PLEKHA2: variants seen among roughly 807,000 people sequenced by gnomAD.
PLEKHA2 encodes the protein pleckstrin homology domain-containing family A member 2.
PLEKHA2 carries 28 observed loss-of-function variants against 53.2 expected under a neutral mutation model. That is an observed-to-expected ratio of 0.53 (90% CI 0.39 to 0.72). The LOEUF (loss-of-function observed/expected upper bound fraction) is 0.72, where lower values mean the gene tolerates loss of function less well. PLEKHA2 is among the 30% of genes least tolerant of loss of function. The probability of loss-of-function intolerance (pLI) is 0.00; values close to 1 mark genes in which losing one functional copy is unlikely to be tolerated. For missense variants in PLEKHA2, 426 were observed against 537.9 expected (o/e 0.79, Z 2.06); for synonymous variants, 193 against 196.4 (o/e 0.98, Z 0.14).
At chr8:38,927,786 C>T (rs549318123) in intron 2 of PLEKHA2, among the ~76,000 whole-genome samples, 9 of 152,184 alleles carry the variant, frequency 5.9e-5, no homozygotes, top group Admixed American at 5.2e-4. Flanking sequence ...TGTGAGAATG[C>T]TTTGATGAGC....
intron 2 of PLEKHA2, among the ~76,000 whole-genome samples, chr8:38,924,969 G>T (rs1201588084): frequency 6.6e-6 from 1 of 152,114 alleles, no homozygotes. Flanking sequence ...ACACTGATTT[G>T]GCTAATGCAT....
chr8:38,952,484 G>A (rs1250986740), intron 7 of PLEKHA2, among the ~76,000 whole-genome samples, 152 bp from the exon 8 acceptor site: 2 of 152,196 alleles, frequency 1.3e-5, no homozygotes, highest in Non-Finnish European at 2.9e-5. Flanking sequence ...CCTGTCAGAG[G>A]TGTTGCCCCT....
At chr8:38,932,007 TAG>T (rs1834402503) in intron 2 of PLEKHA2, among the ~76,000 whole-genome samples, 1 of 152,152 alleles carries the variant, frequency 6.6e-6, no homozygotes, top group Admixed American at 6.5e-5. Flanking sequence ...TTTTAATAAA[TAG>T]AGTCAGGGCC....
rs1317761881 is a variant in PLEKHA2, at chr8:38,956,965, T to A, written c.774-358T>A. Among the ~76,000 whole-genome samples, 3 of 152,088 alleles carry A rather than the reference T, an allele frequency of 2.0e-5. No homozygotes were observed. The East Asian group carries it at 5.8e-4, about 29-fold the overall frequency. ...ACGGTGCTTCCCACAAAGCACTTCA[T>A]ACACCTTAGAGGGAAGGAGGGAGGC... is the stretch of plus-strand genomic sequence containing the variant. On this transcript the variant is annotated intron_variant, in intron 9 of 11. Transcript: ENST00000617275.
chr8:38,967,631 CTT>C (rs776095403), intron 10 of PLEKHA2, among the ~76,000 whole-genome samples: 1 of 149,136 alleles, frequency 6.7e-6, no homozygotes. Context: ...ACTTGTATGT[CTT>C]GTTTTGAAAA....
intron 2 of PLEKHA2, among the ~76,000 whole-genome samples, chr8:38,920,304 C>G (rs1189488276): frequency 3.9e-5 from 6 of 152,150 alleles, no homozygotes; most frequent in African/African-American, 7.2e-5. Context: ...GCACCCGCCA[C>G]CACGCCCAGC....
chr8:38,917,995 C>T lies in PLEKHA2; in HGVS notation c.66C>T (p.Ser22=), dbSNP rs61755185. 845 of 1,613,598 alleles carry T rather than the reference C, an allele frequency of 5.2e-4. 2 individuals are homozygous for T. Among genetic ancestry groups the T allele is most frequent in the Admixed American group, 1.4e-3 (82 of 59,984 alleles). ...GFLDIEEHEN[S]GKFLRRYFIL... ...TGGACATCGAGGAGCATGAGAACAG[C>T]GGCAAGTTTCTGCGGAGGTACTTCA... The change falls in exon 2 of 12, where the codon AGC becomes AGT. Residue 22 remains serine (S), a synonymous_variant. Transcript: ENST00000617275.
At chr8:38,929,895 T>C (rs1240371331) in intron 2 of PLEKHA2, among the ~76,000 whole-genome samples, 2 of 152,196 alleles carry the variant, frequency 1.3e-5, no homozygotes, top group African/African-American at 4.8e-5. Context: ...TTGGGTCTTC[T>C]GGTCATTTCT....
At chr8:38,942,842 G>A (rs79248907) in intron 3 of PLEKHA2, among the ~76,000 whole-genome samples, 1 of 152,330 alleles carries the variant, frequency 6.6e-6, no homozygotes, top group East Asian at 1.9e-4. Context: ...GCAACAGGAG[G>A]TATAGAAATA....
intron 2 of PLEKHA2, among the ~76,000 whole-genome samples, chr8:38,932,145 T>C (rs4595091): frequency 0.9 from 137,301 of 152,120 alleles, 62,627 homozygotes; most frequent in African/African-American, 0.97. Flanking sequence ...TGTGCACCAC[T>C]ACACCCAGCT....
rs1466094366 is a variant in PLEKHA2, at chr8:38,950,654, A to G, written c.346-196A>G. 9.7e-6 allele frequency: 5 copies of G among 513,696 alleles called. No individual in the cohort carries two copies. The Admixed American group carries it at 1.8e-4, about 19-fold the overall frequency. The allele number at this position is 513,696 out of a possible 1,614,324, so 31.8% of individuals were successfully genotyped here. ...CAAGAAATTCCTGGAGTCAGTTTGT[A>G]TCTGTGTAGGGGGAGGGCGTTGCTG... On this transcript the variant is annotated intron_variant, in intron 5 of 11. Transcript: ENST00000617275.
At chr8:38,916,242 G>C (rs939970626) in intron 1 of PLEKHA2, among the ~76,000 whole-genome samples, 1 of 152,188 alleles carries the variant, frequency 6.6e-6, no homozygotes, top group Admixed American at 6.5e-5. Flanking sequence ...CTCCCAAAGT[G>C]CTGGGATTAC....
In PLEKHA2 at chr8:38,924,497, G is replaced by T. The variant is rs147039244; in HGVS notation, c.141+6427G>T. Among the ~76,000 whole-genome samples the T allele has an allele frequency of 2.2e-4, 33 of 152,306 alleles. No homozygotes were observed. In the East Asian group the frequency reaches 5.0e-3, roughly 23 times the overall value. The stretch of plus-strand genomic sequence containing the variant: ...GAACTCAGGTGGAGGTCTGAGCAAG[G>T]GATGGTTTCACTGTGGGCCTGCAGG... On this transcript the variant is annotated intron_variant, in intron 2 of 11. Coordinates refer to ENST00000617275, the MANE Select transcript of PLEKHA2 (RefSeq NM_021623.2).
Position 38,901,448 on chromosome 8 carries a change from A to T in PLEKHA2, c.-24+3A>T, listed in dbSNP as rs1328418676. 6 of 147,374 alleles carry T rather than the reference A, an allele frequency of 4.1e-5. No homozygotes were observed. Among genetic ancestry groups the T allele is most frequent in the Non-Finnish European group, 7.5e-5 (5 of 66,488 alleles). 9.1% of individuals were successfully genotyped at this position (147,374 alleles called of 1,614,324 possible). ...AGCCCCGGCCCCTGCACGGGGGGGT[A>T]AGTTGGGCGCCCTCGCGGGCTCGGG... On this transcript the variant is annotated splice_donor_region_variant and intron_variant, in intron 1 of 11. Transcript: ENST00000617275.
At chr8:38,967,296 T>G (rs1199967368) in intron 10 of PLEKHA2, among the ~76,000 whole-genome samples, 1 of 152,136 alleles carries the variant, frequency 6.6e-6, no homozygotes, top group Non-Finnish European at 1.5e-5. Flanking sequence ...TTTAAAAAAT[T>G]TTTAAAGTTT....
chr8:38,969,274 T>G (rs9987126), intron 11 of PLEKHA2, 147 bp from the exon 12 acceptor site: 621,158 of 948,932 alleles, frequency 0.65, 204,950 homozygotes, highest in African/African-American at 0.8. Flanking sequence ...AGTGAATCCT[T>G]TTGACTGTAT....
Position 38,952,326 on chromosome 8 carries a change from C to T in PLEKHA2, c.633+14C>T. On this transcript the variant is annotated intron_variant, in intron 7 of 11. Coordinates refer to ENST00000617275, the MANE Select transcript of PLEKHA2 (RefSeq NM_021623.2). Reference sequence around the variant, plus strand: ...CAAGGGAATGTGGTGAGTGTCAGCACAGGGGCTGAATTGGGGTTCTGGTGA... The same window carrying T: ...CAAGGGAATGTGGTGAGTGTCAGCATAGGGGCTGAATTGGGGTTCTGGTGA... 1 of 1,610,594 alleles carries T rather than the reference C, an allele frequency of 6.2e-7. No homozygotes were observed. Among genetic ancestry groups the T allele is most frequent in the Non-Finnish European group, 8.5e-7 (1 of 1,178,408 alleles).
chr8:38,963,311 C>G (rs1333621558), intron 10 of PLEKHA2, among the ~76,000 whole-genome samples: 1 of 152,180 alleles, frequency 6.6e-6, no homozygotes, highest in East Asian at 1.9e-4. Context: ...GAAGCTATGA[C>G]CTTGGCACTT....
chr8:38,952,309 T>C lies in PLEKHA2; in HGVS notation c.630T>C (p.Asn210=), dbSNP rs1320466590. 7.4e-6 allele frequency: 12 copies of C among 1,612,412 alleles called. No individual in the cohort carries two copies. The highest frequency in any genetic ancestry group is 2.2e-5 in the East Asian group (1 of 44,874). Reference sequence around the variant, plus strand: ...GTGGTTACTGCGTGAAGCAAGGGAATGTGGTGAGTGTCAGCACAGGGGCTG... The same window carrying C: ...GTGGTTACTGCGTGAAGCAAGGGAACGTGGTGAGTGTCAGCACAGGGGCTG... ...IKSGYCVKQG[N]VRKSWKRRFF... The change falls in exon 7 of 12, where the codon AAT becomes AAC. Residue 210 remains asparagine (N), a synonymous_variant. Coordinates refer to ENST00000617275, the MANE Select transcript of PLEKHA2 (RefSeq NM_021623.2).
Sources: allele counts gnomAD v4.1 joint callset (sites outside exome capture counted in the v4.1 genomes callset), GRCh38; gene constraint gnomAD v4.1.1; transcripts MANE v1.5; gene names NCBI Gene and HGNC (gene_info 2026-07-23, HGNC 2026-07-21).